CLTCL1: variants seen among roughly 807,000 people sequenced by gnomAD.
CLTCL1 encodes the protein clathrin heavy chain 2.
In CLTCL1, 159 loss-of-function variants were observed where a neutral mutation model predicts 190.0. That is an observed-to-expected ratio of 0.84 (90% CI 0.74 to 0.95). CLTCL1 has a LOEUF of 0.95. Ranked by LOEUF, CLTCL1 falls within the 40% of genes least tolerant of loss-of-function variation. The pLI is 0.00. For missense variants in CLTCL1, 1,878 were observed against 2,033.4 expected (o/e 0.92, Z 1.47); for synonymous variants, 752 against 769.6 (o/e 0.98, Z 0.38).
chr22:19,280,770 G>C (rs60247101), intron 1 of CLTCL1, among the ~76,000 whole-genome samples: 1,376 of 137,010 alleles, frequency 0.01, 31 homozygotes, highest in East Asian at 0.075. Flanking sequence ...AGTGTGCTGA[G>C]ATTGTGCCAC....
chr22:19,253,367 C>T (rs1052444162), intron 3 of CLTCL1, among the ~76,000 whole-genome samples: 14 of 152,284 alleles, frequency 9.2e-5, no homozygotes, highest in African/African-American at 2.9e-4. Flanking sequence ...TCCCTCCCTG[C>T]GGCAGCTGTG....
chr22:19,183,089 G>A (rs1399555041), intron 30 of CLTCL1: 5 of 367,456 alleles, frequency 1.4e-5, no homozygotes, highest in Non-Finnish European at 2.6e-5. Flanking sequence ...CAGGGCTGGG[G>A]ATGAGCACGC....
chr22:19,250,496 A>T (rs2146039442), intron 3 of CLTCL1, among the ~76,000 whole-genome samples: 1 of 151,172 alleles, frequency 6.6e-6, no homozygotes, highest in Non-Finnish European at 1.5e-5. Flanking sequence ...ATGCCACCAC[A>T]CCAAGCTAAT....
chr22:19,236,986 G>A (rs1474615684), intron 5 of CLTCL1, among the ~76,000 whole-genome samples: 2 of 152,088 alleles, frequency 1.3e-5, no homozygotes, highest in Non-Finnish European at 2.9e-5. Flanking sequence ...ATTAGGATAG[G>A]AATGAAAGAA....
intron 14 of CLTCL1, among the ~76,000 whole-genome samples, chr22:19,223,250 C>T (rs2085632988): frequency 1.3e-5 from 2 of 152,114 alleles, no homozygotes; most frequent in Admixed American, 1.3e-4. Flanking sequence ...CACAATCATG[C>T]CTCCCCTCAT....
rs567389373 is a variant in CLTCL1 at position 19,183,667 on chromosome 22, G to A, written c.4606-56C>T. 3.8e-6 allele frequency: 6 copies of A among 1,567,714 alleles called. No individual in the cohort carries two copies. The South Asian group carries it at 6.7e-5, about 18-fold the overall frequency. ...TCCTGCAGGCAGAGGCTTTGTGCCTGCAGCAGCTGGGCCGGAGGGCAGGGA... is the reference window on the plus strand; with the variant it reads ...TCCTGCAGGCAGAGGCTTTGTGCCTACAGCAGCTGGGCCGGAGGGCAGGGA... On this transcript the variant is annotated intron_variant, in intron 29 of 32. Transcript: ENST00000427926.
chr22:19,262,499 G>A (rs1555976040), intron 2 of CLTCL1, among the ~76,000 whole-genome samples: 5 of 151,126 alleles, frequency 3.3e-5, no homozygotes, highest in Non-Finnish European at 1.5e-5. Flanking sequence ...GGGCTTGGTG[G>A]CAGGTGCCTG....
At chr22:19,280,171 A>C (rs1481941835) in intron 1 of CLTCL1, among the ~76,000 whole-genome samples, 1 of 152,258 alleles carries the variant, frequency 6.6e-6, no homozygotes, top group Non-Finnish European at 1.5e-5. Context: ...ATTTGTGTTA[A>C]GTATAAAAAA....
rs1555955279 is a variant in CLTCL1 at position 19,225,465 on chromosome 22, T to A, written c.2116A>T (p.Lys706Ter). 2 of 1,583,028 alleles carry A rather than the reference T, an allele frequency of 1.3e-6. No homozygotes were observed. The highest frequency in any genetic ancestry group is 3.6e-5 in the Admixed American group (2 of 55,748). Residue 706 changes from lysine to a stop codon, truncating the protein, a stop_gained, in exon 13 of 33, where the codon AAG becomes TAG. Coordinates refer to ENST00000427926, the MANE Select transcript of CLTCL1 (RefSeq NM_007098.4). LOFTEE classifies it high-confidence loss of function. ...QALVELFESF[K>*]SYKGLFYFLG... is the part of the protein sequence containing the mutation. ...CTGCATGGTTTACCTTTGTAACTCT[T>A]GAAGGATTCAAAGAGCTCCACCAGG...
At chr22:19,181,484 G>C (rs892452433) in intron 30 of CLTCL1, 27 of 150,602 alleles carry the variant, frequency 1.8e-4, no homozygotes, top group African/African-American at 6.5e-4. Flanking sequence ...GCTGGGGTCT[G>C]GGGGGGGCTG....
intron 19 of CLTCL1, 122 bp downstream of exon 19, chr22:19,215,989 C>G (rs2085372024): frequency 1.1e-6 from 1 of 873,800 alleles, no homozygotes; most frequent in African/African-American, 1.7e-5. Context: ...ATTGGCATGT[C>G]TGGGGAGCAG....
intron 31 of CLTCL1, 64 bp from the exon 32 acceptor site, chr22:19,180,302 C>T (rs112494493): frequency 1.0e-4 from 156 of 1,553,500 alleles, no homozygotes; most frequent in Non-Finnish European, 1.3e-4. Context: ...GGAGACCCGC[C>T]GGCGTGCTGC....
chr22:19,180,894 G>C (rs2084114701), intron 30 of CLTCL1, 88 bp from the exon 31 acceptor site: 4 of 1,121,550 alleles, frequency 3.6e-6, no homozygotes, highest in Middle Eastern at 2.0e-4. Context: ...TCAGGACACA[G>C]GGCCTCCAGG....
chr22:19,253,924 A>C (rs781814914), intron 3 of CLTCL1, 35 bp downstream of exon 3: 54 of 1,600,948 alleles, frequency 3.4e-5, no homozygotes, highest in Non-Finnish European at 4.6e-5. Flanking sequence ...TTGAAGTTAC[A>C]TCAGACCAGC....
At chr22:19,267,337 G>A (rs1720743702) in intron 2 of CLTCL1, among the ~76,000 whole-genome samples, 1 of 152,056 alleles carries the variant, frequency 6.6e-6, no homozygotes, top group Non-Finnish European at 1.5e-5. Flanking sequence ...AATAAACAGA[G>A]ACATTAAATG....
rs1555952458 is a variant in CLTCL1 at position 19,221,616 on chromosome 22, G to C, written c.2562-5C>G. 4.5e-6 allele frequency: 7 copies of C among 1,570,234 alleles called. No individual in the cohort carries two copies. In the Admixed American group the frequency reaches 9.4e-5, roughly 21 times the overall value. On this transcript the variant is annotated splice_polypyrimidine_tract_variant and splice_region_variant and intron_variant, in intron 16 of 32. Transcript: ENST00000427926. ...CAGGGAAGCAGCAGCTTGAGCCTTTGAAAGAAGGAAGGTGCTGTAAAGTCT... is the reference window on the plus strand; with the variant it reads ...CAGGGAAGCAGCAGCTTGAGCCTTTCAAAGAAGGAAGGTGCTGTAAAGTCT...
At chr22:19,280,469 G>C (rs879979347) in intron 1 of CLTCL1, among the ~76,000 whole-genome samples, 3 of 151,874 alleles carry the variant, frequency 2.0e-5, no homozygotes, top group Admixed American at 6.6e-5. Flanking sequence ...TAAAAAGGAA[G>C]GAAATTCTGA....
intron 1 of CLTCL1, among the ~76,000 whole-genome samples, chr22:19,284,971 A>G (rs1332770843): frequency 8.7e-5 from 13 of 150,034 alleles, no homozygotes; most frequent in Non-Finnish European, 1.5e-4. Flanking sequence ...ATAAAATAAA[A>G]AACACATTTT....
intron 2 of CLTCL1, chr22:19,258,134 A>T: frequency 2.6e-6 from 1 of 379,818 alleles, no homozygotes; most frequent in Non-Finnish European, 5.1e-6. Flanking sequence ...AAAGATTGAG[A>T]CTCTCAAGGA....
Sources: allele counts gnomAD v4.1 joint callset (sites outside exome capture counted in the v4.1 genomes callset), GRCh38; gene constraint gnomAD v4.1.1; transcripts MANE v1.5; gene names NCBI Gene and HGNC (gene_info 2026-07-23, HGNC 2026-07-21).